RNF150: variants seen among roughly 807,000 people sequenced by gnomAD.
The protein encoded by RNF150 is ring finger protein 150.
A neutral mutation model predicts 39.3 loss-of-function variants in RNF150; 24 were observed. That is an observed-to-expected ratio of 0.61 (90% CI 0.44 to 0.86). The LOEUF (loss-of-function observed/expected upper bound fraction) is 0.86. Among genes scored for constraint, RNF150 ranks in the 40% least tolerant of loss-of-function variants. The probability of loss-of-function intolerance (pLI) is 0.00; values close to 1 mark genes in which losing one functional copy is unlikely to be tolerated. For synonymous variants in RNF150, 255 were observed against 227.3 expected, an observed-to-expected ratio of 1.12 and a Z score of -1.10; for missense variants, 502 against 587.8, an observed-to-expected ratio of 0.85 and a Z score of 1.51.
intron 1 of RNF150, among the ~76,000 whole-genome samples, chr4:141,003,606 C>T (rs1560682017): frequency 1.4e-5 from 2 of 148,106 alleles, no homozygotes; most frequent in South Asian, 4.3e-4. Flanking sequence ...CACACACACA[C>T]ACGTGTGCAC....
At chr4:140,886,724 C>A (rs1729591225) in intron 6 of RNF150, among the ~76,000 whole-genome samples, 1 of 152,126 alleles carries the variant, frequency 6.6e-6, no homozygotes, top group South Asian at 2.1e-4. Flanking sequence ...CTCCAGCAAT[C>A]CCCCTCTACC....
chr4:141,172,892 G>A (rs1045592860), intron 1 of RNF150, among the ~76,000 whole-genome samples: 1 of 152,140 alleles, frequency 6.6e-6, no homozygotes, highest in African/African-American at 2.4e-5. Flanking sequence ...CGGGCATGGT[G>A]GTGGGCACCT....
rs1412210546 is a variant in RNF150 at position 140,922,308 on chromosome 4, A to G, written c.987+3669T>C. Among the ~76,000 whole-genome samples the G allele has an allele frequency of 2.0e-5, 3 of 151,002 alleles. No homozygotes were observed. In the East Asian group the frequency reaches 5.9e-4, roughly 30 times the overall value. ...AAATCAATGTGCAAAAATCACAAGC[A>G]TTCTTATACACCAATAAGAGACAAA... On this transcript the variant is annotated intron_variant, in intron 5 of 6. Transcript: ENST00000515673.
chr4:141,036,627 C>T (rs1017074699), intron 1 of RNF150, among the ~76,000 whole-genome samples: 9 of 152,052 alleles, frequency 5.9e-5, no homozygotes, highest in African/African-American at 1.7e-4. Flanking sequence ...CCTAAGGGTA[C>T]GCCAAAGCAT....
chr4:140,975,554 C>A (rs1213221451), intron 1 of RNF150, among the ~76,000 whole-genome samples: 3 of 152,204 alleles, frequency 2.0e-5, no homozygotes, highest in African/African-American at 7.2e-5. Flanking sequence ...ATTTTTAAAC[C>A]ATTCTTTCTC....
intron 1 of RNF150, among the ~76,000 whole-genome samples, chr4:141,148,202 T>C (rs926044749): frequency 3.9e-5 from 6 of 152,192 alleles, no homozygotes; most frequent in Non-Finnish European, 5.9e-5. Flanking sequence ...AAAATCTTTG[T>C]AAAATAAAAT....
intron 1 of RNF150, among the ~76,000 whole-genome samples, chr4:141,027,137 G>A (rs1735732153): frequency 6.6e-6 from 1 of 152,160 alleles, no homozygotes; most frequent in South Asian, 2.1e-4. Context: ...CAGTGGGTCT[G>A]CAACTGCAAG....
At chr4:140,893,204 C>A (rs762333537) in intron 6 of RNF150, among the ~76,000 whole-genome samples, 6 of 150,016 alleles carry the variant, frequency 4.0e-5, no homozygotes, top group Non-Finnish European at 5.9e-5. Context: ...AAATATTCCA[C>A]CCATGGATGT....
chr4:140,935,294 T>C (rs1008728455), intron 4 of RNF150, among the ~76,000 whole-genome samples: 1 of 151,688 alleles, frequency 6.6e-6, no homozygotes, highest in Non-Finnish European at 1.5e-5. Flanking sequence ...CTGGGAGGAA[T>C]TGCAGGACCC....
chr4:141,022,368 G>A (rs747680654), intron 1 of RNF150, among the ~76,000 whole-genome samples: 9 of 152,066 alleles, frequency 5.9e-5, no homozygotes, highest in Admixed American at 1.3e-4. Context: ...TTGAGAGGCC[G>A]TTGAGGAATG....
chr4:141,186,294 C>T (rs1186654082), intron 1 of RNF150, among the ~76,000 whole-genome samples: 1 of 152,162 alleles, frequency 6.6e-6, no homozygotes, highest in African/African-American at 2.4e-5. Flanking sequence ...TCCATTTCTT[C>T]TAGATTTTCT....
intron 1 of RNF150, among the ~76,000 whole-genome samples, chr4:141,159,913 G>GTT (rs200340689): frequency 2.0e-5 from 3 of 150,370 alleles, no homozygotes; most frequent in African/African-American, 7.3e-5. Flanking sequence ...TTACTGGTGT[G>GTT]TTTTTTTTTC....
At chr4:141,036,924 C>T (rs997155513) in intron 1 of RNF150, among the ~76,000 whole-genome samples, 42 of 152,296 alleles carry the variant, frequency 2.8e-4, no homozygotes, top group African/African-American at 1.0e-3. Flanking sequence ...AAAATTGCTG[C>T]AAGTCATGGA....
intron 1 of RNF150, among the ~76,000 whole-genome samples, chr4:141,039,778 C>G (rs987573604): frequency 3.9e-5 from 6 of 152,078 alleles, no homozygotes; most frequent in Non-Finnish European, 5.9e-5. Context: ...GATGATTTCC[C>G]CAGAGTCCCA....
intron 1 of RNF150, among the ~76,000 whole-genome samples, chr4:141,168,703 C>T (rs1289126078): frequency 1.3e-5 from 2 of 152,076 alleles, no homozygotes; most frequent in Non-Finnish European, 2.9e-5. Flanking sequence ...AACAGAAAAC[C>T]AAACACCGCA....
chr4:141,115,685 A>G (rs2111072757), intron 1 of RNF150, among the ~76,000 whole-genome samples: 1 of 152,316 alleles, frequency 6.6e-6, no homozygotes, highest in East Asian at 1.9e-4. Flanking sequence ...TATAGCCAAG[A>G]CAATCCTAAG....
intron 1 of RNF150, among the ~76,000 whole-genome samples, chr4:141,197,622 T>C (rs1213615467): frequency 6.6e-6 from 1 of 152,164 alleles, no homozygotes; most frequent in Non-Finnish European, 1.5e-5. Flanking sequence ...CTCACGTCTG[T>C]AATCCCAGCA....
At chr4:141,029,552 C>G (rs922814680) in intron 1 of RNF150, among the ~76,000 whole-genome samples, 8 of 152,164 alleles carry the variant, frequency 5.3e-5, no homozygotes, top group African/African-American at 1.9e-4. Context: ...ATTGCCCTTA[C>G]TATTGTTATG....
chr4:141,029,442 T>C (rs1735841872), intron 1 of RNF150, among the ~76,000 whole-genome samples: 1 of 152,202 alleles, frequency 6.6e-6, no homozygotes, highest in Admixed American at 6.6e-5. Flanking sequence ...TCTTGTTCAG[T>C]TTATGAAGAA....
Sources: gnomAD v4.1 joint callset for allele counts (sites outside exome capture counted in the v4.1 genomes callset) on GRCh38, gnomAD v4.1.1 for gene constraint, MANE v1.5 for transcripts, NCBI Gene and HGNC (gene_info 2026-07-23, HGNC 2026-07-21) for gene names.